Variants in RASGEF1C observed in about 807,000 individuals in gnomAD.
The protein encoded by RASGEF1C is ras-GEF domain-containing family member 1C.
In RASGEF1C, 27 loss-of-function variants were observed where a neutral mutation model predicts 58.1. That is an observed-to-expected ratio of 0.46 (90% confidence interval 0.34 to 0.64). RASGEF1C has a LOEUF of 0.64. RASGEF1C is among the 30% of genes least tolerant of loss of function. RASGEF1C has a pLI of 0.01. For missense variants in RASGEF1C, 502 were observed against 605.1 expected (o/e 0.83, Z 1.79); for synonymous variants, 243 against 246.3 (o/e 0.99, Z 0.13).
chr5:180,132,238 G>A (rs1016947244), intron 4 of RASGEF1C, among the ~76,000 whole-genome samples: 4 of 152,228 alleles, frequency 2.6e-5, no homozygotes, highest in Non-Finnish European at 4.4e-5. Flanking sequence ...CTGCCCGGGA[G>A]GCTGGGTGGT....
intron 10 of RASGEF1C, among the ~76,000 whole-genome samples, chr5:180,116,699 GA>G: frequency 6.6e-6 from 1 of 152,368 alleles, no homozygotes; most frequent in South Asian, 2.1e-4. Context: ...GGAGATGAAG[GA>G]AGTAGTGCGG....
chr5:180,202,859 C>T (rs1044443486), intron 1 of RASGEF1C, among the ~76,000 whole-genome samples: 17 of 152,090 alleles, frequency 1.1e-4, no homozygotes, highest in Non-Finnish European at 2.2e-4. Context: ...CCCGCCACCA[C>T]GCCGGGCTAA....
chr5:180,136,987 G>T (rs1231710723), intron 3 of RASGEF1C, among the ~76,000 whole-genome samples: 6 of 152,200 alleles, frequency 3.9e-5, no homozygotes, highest in Admixed American at 6.5e-5. Flanking sequence ...TGGTAGGTGA[G>T]CCTGGTGCGG....
intron 4 of RASGEF1C, among the ~76,000 whole-genome samples, chr5:180,131,224 G>A (rs1281065593): frequency 6.6e-6 from 1 of 152,142 alleles, no homozygotes; most frequent in Non-Finnish European, 1.5e-5. Flanking sequence ...CATGGCTTGT[G>A]CAAAGATAGG....
At chr5:180,164,929 T>C (rs1160228642) in intron 1 of RASGEF1C, among the ~76,000 whole-genome samples, 1 of 152,236 alleles carries the variant, frequency 6.6e-6, no homozygotes, top group Non-Finnish European at 1.5e-5. Flanking sequence ...TTTTGCTTCA[T>C]GTATTCTGAA....
intron 1 of RASGEF1C, among the ~76,000 whole-genome samples, chr5:180,147,191 C>CT (rs938914863): frequency 1.4e-4 from 21 of 151,490 alleles, no homozygotes; most frequent in Non-Finnish European, 2.2e-4. Flanking sequence ...TCAGTCATCT[C>CT]TTTTTTTTCA....
intron 1 of RASGEF1C, among the ~76,000 whole-genome samples, chr5:180,164,235 A>G (rs1338161228): frequency 1.3e-5 from 2 of 151,948 alleles, no homozygotes; most frequent in African/African-American, 4.8e-5. Flanking sequence ...ATATTTCCAC[A>G]CTTATTTTTT....
intron 1 of RASGEF1C, among the ~76,000 whole-genome samples, chr5:180,171,929 T>C (rs1255208086): frequency 6.6e-6 from 1 of 152,100 alleles, no homozygotes; most frequent in Non-Finnish European, 1.5e-5. Context: ...GGACCTCAGC[T>C]TCCACATCTG....
At chr5:180,109,315 G>A (rs1432724867) in intron 12 of RASGEF1C, among the ~76,000 whole-genome samples, 1 of 152,000 alleles carries the variant, frequency 6.6e-6, no homozygotes, top group Non-Finnish European at 1.5e-5. Context: ...AAAATTAGCC[G>A]GGCGTGGTGG....
chr5:180,208,746 T>G (rs1370099974), intron 1 of RASGEF1C, among the ~76,000 whole-genome samples: 1 of 152,012 alleles, frequency 6.6e-6, no homozygotes, highest in African/African-American at 2.4e-5. Flanking sequence ...GAAAGAAGCT[T>G]GCTCCTCGCG....
rs1182650825 is a variant in RASGEF1C at position 180,198,031 on chromosome 5, T to C, written c.-7+10997A>G. ...CCTGAGTTAGCGTATTCCAAATTCA[T>C]AAACCAAGGTGACCCCTCACATTCA... On this transcript the variant is annotated intron_variant, in intron 1 of 13. Transcript: ENST00000361132. The surrounding 1 kb of genome is among the most constrained non-coding windows in gnomAD (Gnocchi z 4.5). 2.0e-5 allele frequency among the ~76,000 whole-genome samples: 3 copies of C among 152,200 alleles called. No individual in the cohort carries two copies. Among genetic ancestry groups the C allele is most frequent in the African/African-American group, 7.2e-5 (3 of 41,452 alleles).
At chr5:180,176,483 G>A (rs941683863) in intron 1 of RASGEF1C, among the ~76,000 whole-genome samples, 1 of 152,200 alleles carries the variant, frequency 6.6e-6, no homozygotes, top group African/African-American at 2.4e-5. Flanking sequence ...ACCAGGCAGA[G>A]GGGAAAGGCT....
intron 1 of RASGEF1C, among the ~76,000 whole-genome samples, chr5:180,203,939 G>T (rs904253071): frequency 1.1e-4 from 16 of 152,128 alleles, no homozygotes; most frequent in Non-Finnish European, 1.8e-4. Flanking sequence ...GTTGGAGTGA[G>T]CCGAGATCAT....
At chr5:180,152,156 T>A (rs1160378178) in intron 1 of RASGEF1C, among the ~76,000 whole-genome samples, 2 of 151,980 alleles carry the variant, frequency 1.3e-5, no homozygotes, top group Non-Finnish European at 2.9e-5. Flanking sequence ...TGGAAGTCAG[T>A]GTGGCGATCC....
chr5:180,180,779 C>T (rs1251501725), intron 1 of RASGEF1C, among the ~76,000 whole-genome samples: 7 of 152,242 alleles, frequency 4.6e-5, no homozygotes, highest in Non-Finnish European at 7.3e-5. Context: ...AAGCTTGAAG[C>T]GTGCAGCTAG....
Position 180,193,290 on chromosome 5 carries a change from C to T in RASGEF1C, c.-7+15738G>A, listed in dbSNP as rs968634755. ...CAGGATGGTCTCGATCTCCTGACCT[C>T]GTGATCCGCCTGCCTCGGCCTCCCA... On this transcript the variant is annotated intron_variant, in intron 1 of 13. Coordinates refer to ENST00000361132, the MANE Select transcript of RASGEF1C (RefSeq NM_175062.4). Among the ~76,000 whole-genome samples the T allele has an allele frequency of 5.7e-4, 82 of 142,832 alleles. 1 individual carries two copies. Among genetic ancestry groups the T allele is most frequent in the African/African-American group, 1.7e-3 (66 of 39,054 alleles). 93.7% of individuals were successfully genotyped at this position (142,832 alleles called of 152,430 possible). A position where few individuals can be genotyped will look rare whatever the true frequency, so the allele number is the denominator to read the frequency against.
intron 1 of RASGEF1C, among the ~76,000 whole-genome samples, chr5:180,207,733 G>C (rs1756514753): frequency 6.6e-6 from 1 of 152,134 alleles, no homozygotes; most frequent in Non-Finnish European, 1.5e-5. Context: ...AGGACGTCCA[G>C]ACCCTGTAGC....
At chr5:180,136,717 T>C (rs1766484932) in intron 3 of RASGEF1C, 1 of 590,476 alleles carries the variant, frequency 1.7e-6, no homozygotes. Context: ...GGCAGGGCCA[T>C]CTCTTGCTCT....
At chr5:180,174,608 ATGTG>A (rs372188893) in intron 1 of RASGEF1C, among the ~76,000 whole-genome samples, 5 of 69,760 alleles carry the variant, frequency 7.2e-5, no homozygotes, top group Non-Finnish European at 9.7e-5. Flanking sequence ...GTGTGCACGC[ATGTG>A]TGTGTCTGTG....
Sources: allele counts gnomAD v4.1 joint callset (sites outside exome capture counted in the v4.1 genomes callset), GRCh38; gene constraint gnomAD v4.1.1; non-coding constraint Gnocchi (gnomAD v3.1); transcripts MANE v1.5; gene names NCBI Gene and HGNC (gene_info 2026-07-23, HGNC 2026-07-21).